LRIG3: variants seen among roughly 807,000 people sequenced by gnomAD.
LRIG3 encodes leucine-rich repeats and immunoglobulin-like domains protein 3.
A neutral mutation model predicts 114.5 loss-of-function variants in LRIG3; 76 were observed. The observed-to-expected ratio is 0.66, with a 90% CI of 0.55 to 0.80. The LOEUF (loss-of-function observed/expected upper bound fraction) is 0.80. Among genes scored for constraint, LRIG3 ranks in the 30% least tolerant of loss-of-function variants. The pLI is 0.00. For synonymous variants in LRIG3, 512 were observed against 519.8 expected (o/e 0.98, Z 0.20); for missense variants, 1,239 against 1,382.8 (o/e 0.90, Z 1.65).
chr12:58,872,899 C>T, intron 18 of LRIG3, 83 bp from the exon 19 acceptor site: 1 of 1,524,452 alleles, frequency 6.6e-7, no homozygotes, highest in African/African-American at 1.4e-5. Flanking sequence ...GAAGGAACAT[C>T]TTACCCCATG....
intron 1 of LRIG3, among the ~76,000 whole-genome samples, chr12:58,917,976 T>C (rs961520091): frequency 6.6e-6 from 1 of 152,072 alleles, no homozygotes; most frequent in Non-Finnish European, 1.5e-5. Flanking sequence ...CTTTCAAAAG[T>C]GGAAAGAGGA....
rs369199158 is a variant in LRIG3 at position 58,888,365 on chromosome 12, G to A, written c.911C>T (p.Pro304Leu). 3.7e-5 allele frequency: 60 copies of A among 1,613,740 alleles called. No homozygotes were observed. The highest frequency in any genetic ancestry group is 4.0e-5 in the Non-Finnish European group (47 of 1,179,824). The change falls in exon 7 of 19, where the codon CCT (proline) becomes CTT (leucine). Residue 304 changes from proline (P) to leucine (L), a missense_variant. Physicochemically the swap from Pro to Leu is moderately conservative, Grantham distance 98 (BLOSUM62 -3). Coordinates refer to ENST00000320743, the MANE Select transcript of LRIG3 (RefSeq NM_153377.5). ...LSQNAINRIS[P>L]DAWEFCQKLS... ...CTTCTGGCAGAACTCCCAGGCATCA[G>A]GGCTGATCCTGTTGATGGCATTTTG...
At chr12:58,910,434 C>T (rs186663983) in intron 3 of LRIG3, among the ~76,000 whole-genome samples, 174 of 152,214 alleles carry the variant, frequency 1.1e-3, no homozygotes, top group African/African-American at 3.9e-3. Flanking sequence ...ACGGTGAAAC[C>T]CCATCTCTAC....
intron 1 of LRIG3, among the ~76,000 whole-genome samples, chr12:58,915,135 A>C (rs1269333711): frequency 6.6e-6 from 1 of 152,246 alleles, no homozygotes; most frequent in African/African-American, 2.4e-5. Context: ...ATCTCATTTA[A>C]GATTCAAAAT....
intron 1 of LRIG3, 79 bp from the exon 2 acceptor site, chr12:58,914,415 T>G: frequency 3.7e-6 from 4 of 1,071,918 alleles, no homozygotes; most frequent in Non-Finnish European, 5.7e-6. Context: ...GAAGTATCTC[T>G]ATGAACACCA....
intron 12 of LRIG3, 55 bp from the exon 13 acceptor site, chr12:58,880,956 T>C: frequency 6.6e-7 from 1 of 1,520,498 alleles, no homozygotes; most frequent in Non-Finnish European, 9.0e-7. Context: ...AGAGTCCAAA[T>C]ACTACTCAAA....
intron 3 of LRIG3, among the ~76,000 whole-genome samples, chr12:58,895,892 C>G (rs1011514584): frequency 1.1e-4 from 16 of 152,178 alleles, no homozygotes; most frequent in Non-Finnish European, 2.2e-4. Context: ...GTGCTTTTCT[C>G]CTTCCCTGAC....
At position 58,905,035 on chromosome 12, in the gene LRIG3, G is replaced by A. The variant is rs117624837; in HGVS notation, c.383+8947C>T. ...GAGTATTCTAGGCAGTGGGAAATACGTATGCAAAAGAACACAGGGCTGGAA... is the reference window on the plus strand; with the variant it reads ...GAGTATTCTAGGCAGTGGGAAATACATATGCAAAAGAACACAGGGCTGGAA... On this transcript the variant is annotated intron_variant, in intron 3 of 18. Transcript: ENST00000320743. Among the ~76,000 whole-genome samples the A allele has an allele frequency of 8.2e-4, 125 of 152,250 alleles. 2 individuals carry two copies. The East Asian group carries it at 0.021, about 26-fold the overall frequency.
At chr12:58,890,534 C>A (rs1871421283) in intron 4 of LRIG3, 131 bp downstream of exon 4, 3 of 855,432 alleles carry the variant, frequency 3.5e-6, no homozygotes, top group South Asian at 5.3e-5. Context: ...GAGCTTACAG[C>A]AAATTTCAAG....
chr12:58,872,797 G>T lies in LRIG3; in HGVS notation c.3135C>A (p.Leu1045=). The T allele has an allele frequency of 6.2e-7, 1 of 1,612,664 alleles. No individual in the cohort carries two copies. Residue 1045 remains leucine, a synonymous_variant, in exon 19 of 19, where the codon CTC becomes CTA. Coordinates refer to ENST00000320743, the MANE Select transcript of LRIG3 (RefSeq NM_153377.5). ...AATAGGCATCTAGGTGAGGTCTCCT[G>T]AGAGCTTTTCCAAAGGTACCTGAAA... ...NSFMGTFGKA[L]RRPHLDAYSS...
At chr12:58,917,242 C>CA (rs1276164294) in intron 1 of LRIG3, among the ~76,000 whole-genome samples, 1 of 152,154 alleles carries the variant, frequency 6.6e-6, no homozygotes, top group African/African-American at 2.4e-5. Context: ...GTTGAGAACT[C>CA]AAACATTTCT....
chr12:58,914,254 C>T lies in LRIG3; in HGVS notation c.308+11G>A, dbSNP rs531502651. On this transcript the variant is annotated intron_variant, in intron 2 of 18. Coordinates refer to ENST00000320743, the MANE Select transcript of LRIG3 (RefSeq NM_153377.5). ...TACTCAAACCTTAAAAACAAAATAA[C>T]GAAGACTCACACTTCTCGAAGGCTT... The T allele has an allele frequency of 7.4e-6, 12 of 1,612,766 alleles. No homozygotes were observed. Among genetic ancestry groups the T allele is most frequent in the Admixed American group, 3.3e-5 (2 of 59,904 alleles).
rs188307720 is a variant in LRIG3 at position 58,911,083 on chromosome 12, C to T, written c.383+2899G>A. Among the ~76,000 whole-genome samples, 188 of 152,334 alleles carry T rather than the reference C, an allele frequency of 1.2e-3. 1 individual carries two copies. Among genetic ancestry groups the T allele is most frequent in the African/African-American group, 4.3e-3 (180 of 41,574 alleles). The stretch of plus-strand genomic sequence containing the variant: ...CAAATCATGCCTTGCACCTAGCACA[C>T]TGGTTGACTTCTGAGCTAGTTCTGT... On this transcript the variant is annotated intron_variant, in intron 3 of 18. Transcript: ENST00000320743.
chr12:58,894,006 G>A (rs550368482), intron 3 of LRIG3, among the ~76,000 whole-genome samples: 207 of 152,300 alleles, frequency 1.4e-3, no homozygotes, highest in African/African-American at 4.7e-3. Context: ...TGTCTATCAC[G>A]TTGGTCAAAT....
In LRIG3 at chr12:58,877,526, C is replaced by T. The variant is rs1047529991; in HGVS notation, c.2410G>A (p.Gly804Arg). The change falls in exon 15 of 19, where the codon GGA becomes AGA. Residue 804 changes from glycine (G) to arginine (R), a missense_variant. Coordinates refer to ENST00000320743, the MANE Select transcript of LRIG3 (RefSeq NM_153377.5). ...QMTAPSLDDD[G>R]WATVGVVIIA... ...ATCACGACACCCACAGTGGCCCATC[C>T]GTCATCGTCTAACGATGGGGCTGTC... The T allele has an allele frequency of 5.2e-5, 84 of 1,614,076 alleles. No homozygotes were observed. In the Admixed American group the frequency reaches 1.1e-3, roughly 22 times the overall value.
intron 13 of LRIG3, among the ~76,000 whole-genome samples, chr12:58,879,314 A>G (rs1474181943): frequency 6.6e-6 from 1 of 152,252 alleles, no homozygotes; most frequent in African/African-American, 2.4e-5. Context: ...TACAGAAACA[A>G]TGAAGTCAGG....
At chr12:58,898,682 C>T (rs368489100) in intron 3 of LRIG3, among the ~76,000 whole-genome samples, 103 of 151,892 alleles carry the variant, frequency 6.8e-4, no homozygotes, top group South Asian at 2.9e-3. Context: ...TTTCTTGAGA[C>T]GGAGTCTGGC....
chr12:58,898,680 G>C (rs1030604813), intron 3 of LRIG3, among the ~76,000 whole-genome samples: 1 of 151,400 alleles, frequency 6.6e-6, no homozygotes, highest in Non-Finnish European at 1.5e-5. Context: ...TTTTTCTTGA[G>C]ACGGAGTCTG....
chr12:58,876,639 T>G (rs778551859), intron 15 of LRIG3, 36 bp from the exon 16 acceptor site: 4 of 1,610,098 alleles, frequency 2.5e-6, no homozygotes, highest in Non-Finnish European at 3.4e-6. Context: ...TAACCAAGGA[T>G]GATCGTTAAT....
Sources: allele counts gnomAD v4.1 joint callset (sites outside exome capture counted in the v4.1 genomes callset), GRCh38; gene constraint gnomAD v4.1.1; transcripts MANE v1.5; gene names NCBI Gene and HGNC (gene_info 2026-07-23, HGNC 2026-07-21).